Variants in LRP1B observed in about 807,000 individuals in gnomAD.
LRP1B encodes low-density lipoprotein receptor-related protein 1B.
Under a neutral mutation model 556.6 loss-of-function variants are expected in LRP1B, and 217 were observed. The observed-to-expected ratio is 0.39, with a 90% CI of 0.35 to 0.44. The LOEUF (loss-of-function observed/expected upper bound fraction) is 0.44. LRP1B is among the 20% of genes least tolerant of loss of function. LRP1B has a pLI of 1.00. For synonymous variants in LRP1B, 2,047 were observed against 1,865.8 expected (o/e 1.10, Z -2.50); for missense variants, 5,053 against 5,620.8 (o/e 0.90, Z 3.23).
chr2:141,211,835 G>T (rs938486763), intron 6 of LRP1B, among the ~76,000 whole-genome samples: 4 of 152,132 alleles, frequency 2.6e-5, no homozygotes, highest in Non-Finnish European at 4.4e-5. Context: ...CAACATATTT[G>T]ATAATTGTAA....
intron 1 of LRP1B, among the ~76,000 whole-genome samples, chr2:141,844,921 A>T (rs566558093): frequency 3.6e-4 from 55 of 151,986 alleles, no homozygotes; most frequent in Non-Finnish European, 6.3e-4. Context: ...CAATGAGATT[A>T]GAATTTTCAA....
intron 31 of LRP1B, among the ~76,000 whole-genome samples, chr2:140,830,080 G>T (rs1178877092): frequency 6.6e-6 from 1 of 151,716 alleles, no homozygotes; most frequent in African/African-American, 2.4e-5. Context: ...AAGCCAAACA[G>T]ACCAGTAATG....
At chr2:141,692,087 G>T (rs995701269) in intron 2 of LRP1B, among the ~76,000 whole-genome samples, 2 of 151,818 alleles carry the variant, frequency 1.3e-5, no homozygotes, top group African/African-American at 4.8e-5. Context: ...GGCAGATTTT[G>T]GTTCAAGTCA....
intron 43 of LRP1B, among the ~76,000 whole-genome samples, chr2:140,591,260 T>A (rs1682212223): frequency 6.6e-6 from 1 of 152,230 alleles, no homozygotes; most frequent in African/African-American, 2.4e-5. Context: ...TTTTATAATA[T>A]ACTTGATTGC....
rs2105003539 is a variant in LRP1B at position 140,536,632 on chromosome 2, C to G, written c.7591G>C (p.Asp2531His). 1 of 1,611,252 alleles carries G rather than the reference C, an allele frequency of 6.2e-7. No individual in the cohort carries two copies. The highest frequency in any genetic ancestry group is 8.5e-7 in the Non-Finnish European group (1 of 1,178,646). ...GECIDYQLTC[D>H]GIPHCKDKSD... is the part of the protein sequence containing the mutation. ...TTATCTTTACAGTGAGGAATGCCATCACAGGTGAGCTGGTAGTCAATGCAC... is the reference window on the plus strand; with the variant it reads ...TTATCTTTACAGTGAGGAATGCCATGACAGGTGAGCTGGTAGTCAATGCAC... Residue 2531 changes from aspartate (D) to histidine (H), a missense_variant, in exon 46 of 91, where the codon GAT becomes CAT. Transcript: ENST00000389484.
At chr2:140,343,334 G>A (rs1457131562) in intron 77 of LRP1B, among the ~76,000 whole-genome samples, 1 of 151,522 alleles carries the variant, frequency 6.6e-6, no homozygotes, top group Non-Finnish European at 1.5e-5. Context: ...AAGGCAATCT[G>A]AAAGTACTTA....
chr2:140,342,447 T>C (rs1681443715), intron 77 of LRP1B, among the ~76,000 whole-genome samples: 1 of 151,530 alleles, frequency 6.6e-6, no homozygotes, highest in Non-Finnish European at 1.5e-5. Context: ...AATCTAGAAA[T>C]GCAATGCAAC....
intron 3 of LRP1B, among the ~76,000 whole-genome samples, chr2:141,330,502 A>G (rs1459919401): frequency 6.6e-6 from 1 of 152,110 alleles, no homozygotes; most frequent in African/African-American, 2.4e-5. Flanking sequence ...AAATTTCAAA[A>G]CTCTGTAATT....
At chr2:142,013,833 G>A (rs1203171779) in intron 1 of LRP1B, among the ~76,000 whole-genome samples, 1 of 152,060 alleles carries the variant, frequency 6.6e-6, no homozygotes, top group Admixed American at 6.6e-5. Flanking sequence ...ATAAGAAAAT[G>A]AGCCTGGGAC....
intron 71 of LRP1B, among the ~76,000 whole-genome samples, chr2:140,366,846 T>C (rs957398004): frequency 2.0e-5 from 3 of 151,756 alleles, no homozygotes; most frequent in African/African-American, 4.8e-5. Context: ...GCCTTGTTGC[T>C]TGTGTGAGGA....
At chr2:141,214,674 CA>C (rs1682716484) in intron 6 of LRP1B, among the ~76,000 whole-genome samples, 2 of 152,018 alleles carry the variant, frequency 1.3e-5, no homozygotes, top group African/African-American at 4.8e-5. Context: ...AGGGGAGACT[CA>C]AAAAAGATTT....
chr2:141,149,232 T>G (rs2105077830), intron 7 of LRP1B, among the ~76,000 whole-genome samples: 1 of 152,228 alleles, frequency 6.6e-6, no homozygotes, highest in South Asian at 2.1e-4. Flanking sequence ...GTGGTGGTGT[T>G]TTGTTTTACT....
chr2:140,270,458 G>A (rs1386153587), intron 85 of LRP1B, 112 bp from the exon 86 acceptor site: 2 of 666,740 alleles, frequency 3.0e-6, no homozygotes, highest in Non-Finnish European at 2.6e-6. Flanking sequence ...GAGAGATGGA[G>A]TGGCTGGTTA....
At chr2:141,828,683 G>C (rs1697014669) in intron 1 of LRP1B, among the ~76,000 whole-genome samples, 1 of 152,084 alleles carries the variant, frequency 6.6e-6, no homozygotes, top group Non-Finnish European at 1.5e-5. Context: ...GATTGGATCA[G>C]GGATAGGCAC....
In LRP1B at chr2:140,358,026, C is replaced by T. The variant is rs148734150; in HGVS notation, c.11348G>A (p.Arg3783Gln). The change falls in exon 74 of 91, where the codon CGA becomes CAA. Residue 3783 changes from arginine (R) to glutamine (Q), a missense_variant. Physicochemically the swap from Arg to Gln is conservative, Grantham distance 43. Around this residue, in one of 5 missense-constraint regions of LRP1B, gnomAD observed 599 missense variants for 648.4 expected, o/e 0.92. Coordinates refer to ENST00000389484, the MANE Select transcript of LRP1B (RefSeq NM_018557.3). ...TGAACCATCTCCGCAGTCATCAAGTCGATCACACTGGAGATCCATAGGGAT... is the reference window on the plus strand; with the variant it reads ...TGAACCATCTCCGCAGTCATCAAGTTGATCACACTGGAGATCCATAGGGAT... Reference protein sequence around the residue: ...KCIPMDLQCDRLDDCGDGSDE... With the variant: ...KCIPMDLQCDQLDDCGDGSDE... The T allele has an allele frequency of 3.2e-4, 513 of 1,611,310 alleles. No homozygotes were observed. The highest frequency in any genetic ancestry group is 4.1e-4 in the Non-Finnish European group (478 of 1,178,322).
At chr2:141,565,199 A>C (rs987444841) in intron 2 of LRP1B, among the ~76,000 whole-genome samples, 1 of 152,134 alleles carries the variant, frequency 6.6e-6, no homozygotes, top group Non-Finnish European at 1.5e-5. Flanking sequence ...TGAATTCAAG[A>C]ATTCACTGCT....
At chr2:141,545,958 T>C (rs1319456608) in intron 2 of LRP1B, among the ~76,000 whole-genome samples, 2 of 152,132 alleles carry the variant, frequency 1.3e-5, no homozygotes, top group Non-Finnish European at 2.9e-5. Flanking sequence ...TAAAATTACA[T>C]ATTTGTGTGA....
chr2:140,247,200 A>C (rs1015968930), intron 86 of LRP1B, 38 bp from the exon 87 acceptor site: 22 of 1,447,756 alleles, frequency 1.5e-5, no homozygotes, highest in Non-Finnish European at 2.0e-5. Flanking sequence ...CAGATCAGCG[A>C]ATAACAAAGC....
At chr2:140,801,218 A>C (rs929232832) in intron 32 of LRP1B, among the ~76,000 whole-genome samples, 1 of 152,196 alleles carries the variant, frequency 6.6e-6, no homozygotes, top group South Asian at 2.1e-4. Flanking sequence ...TTTAGGAGAC[A>C]AAAATACTCC....
Sources: allele counts gnomAD v4.1 joint callset (sites outside exome capture counted in the v4.1 genomes callset), GRCh38; gene constraint gnomAD v4.1.1; regional missense constraint gnomAD v4.1.1; transcripts MANE v1.5; gene names NCBI Gene and HGNC (gene_info 2026-07-23, HGNC 2026-07-21).